Variants in DAOA observed in about 807,000 individuals in gnomAD.
DAOA encodes the protein D-amino acid oxidase activator, also known as D-amino acid oxidase regulator.
In DAOA, 15 loss-of-function variants were observed where a neutral mutation model predicts 16.4. That is an observed-to-expected ratio of 0.91 (90% CI 0.61 to 1.41). The LOEUF is 1.41. Among genes scored for constraint, DAOA ranks in the 40% most tolerant of loss-of-function variants. DAOA has a pLI of 0.00. For synonymous variants in DAOA, 75 were observed against 59.1 expected (o/e 1.27, Z -1.23); for missense variants, 230 against 176.8 (o/e 1.30, Z -1.71).
intron 4 of DAOA, among the ~76,000 whole-genome samples, chr13:105,476,395 C>T (rs1877330600): frequency 6.6e-6 from 1 of 151,190 alleles, no homozygotes; most frequent in African/African-American, 2.4e-5. Flanking sequence ...CAATAATTAG[C>T]TTTCTTAACA....
chr13:105,474,231 C>T (rs2139178223), intron 4 of DAOA, among the ~76,000 whole-genome samples: 1 of 151,998 alleles, frequency 6.6e-6, no homozygotes, highest in South Asian at 2.1e-4. Context: ...TTCCCAAGTC[C>T]TTCAATAAAT....
intron 3 of DAOA, among the ~76,000 whole-genome samples, chr13:105,469,760 A>G (rs1241988393): frequency 6.6e-6 from 1 of 152,208 alleles, no homozygotes; most frequent in African/African-American, 2.4e-5. Flanking sequence ...AGAAAATGGT[A>G]TCAAGCTGAA....
At chr13:105,490,807 AC>A (rs1878465028) in intron 5 of DAOA, 104 bp from the exon 6 acceptor site, 1 of 152,120 alleles carries the variant, frequency 6.6e-6, no homozygotes, top group Non-Finnish European at 1.5e-5. Flanking sequence ...AGTTAAAAGA[AC>A]CCATAAGTTT....
intron 3 of DAOA, 78 bp from the exon 4 acceptor site, chr13:105,472,460 A>G (rs978068651): frequency 3.7e-5 from 55 of 1,469,632 alleles, no homozygotes; most frequent in Non-Finnish European, 5.0e-5. Flanking sequence ...ATCGCTCCAC[A>G]GTCATTAAAC....
intron 4 of DAOA, among the ~76,000 whole-genome samples, chr13:105,481,783 T>G (rs146109500): frequency 6.6e-6 from 1 of 152,296 alleles, no homozygotes; most frequent in East Asian, 1.9e-4. Flanking sequence ...TCTGATATCT[T>G]AATAACAAGA....
chr13:105,480,016 C>A (rs2139190002), intron 4 of DAOA, among the ~76,000 whole-genome samples: 1 of 152,204 alleles, frequency 6.6e-6, no homozygotes, highest in African/African-American at 2.4e-5. Flanking sequence ...TTTATAAACT[C>A]CTTTATCTAA....
In DAOA at chr13:105,466,261, G is replaced by A; in HGVS notation, c.-28G>A. On this transcript the variant is annotated 5_prime_UTR_variant, in exon 2 of 6. The change abolishes an upstream ATG in the 5' untranslated region. Transcript: ENST00000375936. Reference sequence around the variant, plus strand: ...GGAGGTCTCATCTCTGCTTCACAATGCCGATGATTTAGCTGGGAGGACCCA... The same window carrying A: ...GGAGGTCTCATCTCTGCTTCACAATACCGATGATTTAGCTGGGAGGACCCA... 1 of 1,613,916 alleles carries A rather than the reference G, an allele frequency of 6.2e-7. No homozygotes were observed. Among genetic ancestry groups the A allele is most frequent in the African/African-American group, 1.3e-5 (1 of 75,050 alleles).
chr13:105,470,038 A>G (rs1019186911), intron 3 of DAOA, among the ~76,000 whole-genome samples: 1 of 151,512 alleles, frequency 6.6e-6, no homozygotes, highest in Non-Finnish European at 1.5e-5. Flanking sequence ...AATCTTCCTA[A>G]CCAAAATTTG....
chr13:105,480,009 A>T (rs189464638), intron 4 of DAOA, among the ~76,000 whole-genome samples: 1 of 152,328 alleles, frequency 6.6e-6, no homozygotes, highest in African/African-American at 2.4e-5. Context: ...AGAAGCCTTT[A>T]TAAACTCCTT....
chr13:105,468,916 G>A (rs569646545), intron 3 of DAOA, among the ~76,000 whole-genome samples: 2 of 152,208 alleles, frequency 1.3e-5, no homozygotes, highest in African/African-American at 4.8e-5. Flanking sequence ...ATCTATTTGC[G>A]TGCTAGTCTT....
At chr13:105,489,815 A>G (rs1302316468) in intron 4 of DAOA, 86 bp from the exon 5 acceptor site, 2 of 1,612,764 alleles carry the variant, frequency 1.2e-6, no homozygotes, top group Non-Finnish European at 1.7e-6. Flanking sequence ...TAACCAATGG[A>G]ACATGGGAAA....
intron 3 of DAOA, among the ~76,000 whole-genome samples, chr13:105,467,894 C>G (rs1317821648): frequency 6.6e-6 from 1 of 152,116 alleles, no homozygotes; most frequent in Non-Finnish European, 1.5e-5. Flanking sequence ...AAAAAACAAG[C>G]ACATTCATTA....
upstream of DAOA, chr13:105,465,992 T>A (rs182854090): frequency 5.4e-5 from 17 of 317,328 alleles, no homozygotes; most frequent in African/African-American, 3.6e-4. Flanking sequence ...TTCCCACGAA[T>A]AACATTTTCA....
intron 4 of DAOA, among the ~76,000 whole-genome samples, chr13:105,481,439 T>C (rs564854957): frequency 6.6e-6 from 1 of 152,260 alleles, no homozygotes; most frequent in South Asian, 2.1e-4. Context: ...CTAAAACACA[T>C]ACTGTCTGCC....
At chr13:105,476,502 T>TA (rs34460836) in intron 4 of DAOA, among the ~76,000 whole-genome samples, 6,953 of 128,294 alleles carry the variant, frequency 0.054, 186 homozygotes, top group East Asian at 0.086. Context: ...CATGAATCTG[T>TA]AAAAAAAAAA....
intron 4 of DAOA, among the ~76,000 whole-genome samples, chr13:105,487,349 T>A (rs947570463): frequency 3.9e-5 from 6 of 152,290 alleles, no homozygotes; most frequent in African/African-American, 1.4e-4. Context: ...CTAAATCATA[T>A]AATAATATTC....
At chr13:105,490,302 A>T in intron 5 of DAOA, 110 bp downstream of exon 5, 1 of 421,438 alleles carries the variant, frequency 2.4e-6, no homozygotes, top group Non-Finnish European at 3.3e-6. Context: ...CTAATACCAT[A>T]GGTAATCAAA....
Position 105,489,986 on chromosome 13 carries a change from A to C in DAOA, c.367A>C (p.Arg123=). The C allele has an allele frequency of 1.2e-6, 2 of 1,613,284 alleles. No homozygotes were observed. Among genetic ancestry groups the C allele is most frequent in the Non-Finnish European group, 1.7e-6 (2 of 1,179,770 alleles). The change falls in exon 5 of 6, where the codon AGG becomes CGG. Residue 123 remains arginine (R), a synonymous_variant. Transcript: ENST00000375936. The stretch of plus-strand genomic sequence containing the variant: ...TGCCTATGAGGCCTCTAAGGACCGC[A>C]GGCAGCCTCTAGAACGAATGTGGAC... ...FLAYEASKDR[R]QPLERMWTCN...
intron 4 of DAOA, among the ~76,000 whole-genome samples, chr13:105,476,502 T>A (rs1458013612): frequency 2.3e-5 from 3 of 128,354 alleles, no homozygotes; most frequent in South Asian, 2.5e-4. Context: ...CATGAATCTG[T>A]AAAAAAAAAA....
Sources: allele counts gnomAD v4.1 joint callset (sites outside exome capture counted in the v4.1 genomes callset), GRCh38; gene constraint gnomAD v4.1.1; transcripts MANE v1.5; gene names NCBI Gene and HGNC (gene_info 2026-07-23, HGNC 2026-07-21).